Variants in MOB3B observed in about 807,000 individuals in gnomAD.
The protein encoded by MOB3B is MOB kinase activator 3B.
Under a neutral mutation model 18.7 loss-of-function variants are expected in MOB3B, and 7 were observed. The observed-to-expected ratio is 0.37, with a 90% confidence interval of 0.21 to 0.70. The LOEUF (loss-of-function observed/expected upper bound fraction) is 0.70, where lower values mean the gene tolerates loss of function less well. Ranked by LOEUF, MOB3B falls within the 30% of genes least tolerant of loss-of-function variation. The probability of loss-of-function intolerance (pLI) is 0.52; values close to 1 mark genes in which losing one functional copy is unlikely to be tolerated. For missense variants in MOB3B, 253 were observed against 281.3 expected, an observed-to-expected ratio of 0.90 and a Z score of 0.72; for synonymous variants, 111 against 99.9, an observed-to-expected ratio of 1.11 and a Z score of -0.66.
At chr9:27,491,802 G>A (rs994604517) in intron 1 of MOB3B, among the ~76,000 whole-genome samples, 1 of 152,188 alleles carries the variant, frequency 6.6e-6, no homozygotes, top group Non-Finnish European at 1.5e-5. Context: ...GAACCAGGAA[G>A]GCGGAGCTTG....
At chr9:27,351,249 G>T (rs146379378) in intron 3 of MOB3B, among the ~76,000 whole-genome samples, 28 of 152,306 alleles carry the variant, frequency 1.8e-4, no homozygotes, top group African/African-American at 6.7e-4. Context: ...AAAGAGAAAC[G>T]GTTGTCTTGG....
Position 27,455,655 on chromosome 9 carries a change from G to C in MOB3B, c.-105C>G. 1 of 1,564,736 alleles carries C rather than the reference G, an allele frequency of 6.4e-7. No individual in the cohort carries two copies. Among genetic ancestry groups the C allele is most frequent in the Non-Finnish European group, 8.6e-7 (1 of 1,163,928 alleles). On this transcript the variant is annotated 5_prime_UTR_variant, in exon 2 of 4. Coordinates refer to ENST00000262244, the MANE Select transcript of MOB3B (RefSeq NM_024761.5). ...AGTGTTTTCCACTGCCAGCACTCAG[G>C]CCCCAGTCTTACAGCCTGTAGCTTT... is the stretch of plus-strand genomic sequence containing the variant.
At chr9:27,468,753 C>T (rs182410270) in intron 1 of MOB3B, among the ~76,000 whole-genome samples, 294 of 152,246 alleles carry the variant, frequency 1.9e-3, no homozygotes, top group African/African-American at 6.8e-3. Flanking sequence ...AATCAAATAC[C>T]GCACAGATAA....
At chr9:27,460,330 C>T (rs914088326) in intron 1 of MOB3B, among the ~76,000 whole-genome samples, 1 of 152,132 alleles carries the variant, frequency 6.6e-6, no homozygotes, top group East Asian at 1.9e-4. Context: ...ATATTTTCTG[C>T]CTAATAGATC....
At position 27,335,301 on chromosome 9, in the gene MOB3B, A is replaced by G. The variant is rs189144460; in HGVS notation, c.622-4685T>C. ...GGAAACATGGGTGTCACCTACTCCA[A>G]CACTTTAATTTCGGAGATGTGGCAA... On this transcript the variant is annotated intron_variant, in intron 3 of 3. Coordinates refer to ENST00000262244, the MANE Select transcript of MOB3B (RefSeq NM_024761.5). Among the ~76,000 whole-genome samples, 5 of 152,332 alleles carry G rather than the reference A, an allele frequency of 3.3e-5. No homozygotes were observed. The East Asian group carries it at 9.6e-4, about 29-fold the overall frequency.
intron 1 of MOB3B, among the ~76,000 whole-genome samples, chr9:27,466,256 C>A (rs1377438115): frequency 6.6e-6 from 1 of 152,182 alleles, no homozygotes; most frequent in Non-Finnish European, 1.5e-5. Context: ...TCTAGGGCCA[C>A]CAGTCTCTTT....
At chr9:27,333,437 C>A (rs1047778698) in intron 3 of MOB3B, among the ~76,000 whole-genome samples, 2 of 152,148 alleles carry the variant, frequency 1.3e-5, no homozygotes, top group African/African-American at 4.8e-5. Flanking sequence ...CGCAGGCTAG[C>A]AGGGCCAAAC....
intron 3 of MOB3B, among the ~76,000 whole-genome samples, chr9:27,353,982 C>A (rs1327000066): frequency 6.6e-6 from 1 of 152,234 alleles, no homozygotes; most frequent in Non-Finnish European, 1.5e-5. Context: ...TTATCTTCAG[C>A]TGTTGCATTT....
intron 2 of MOB3B, among the ~76,000 whole-genome samples, chr9:27,426,107 A>C (rs1273382415): frequency 1.3e-5 from 2 of 152,192 alleles, no homozygotes; most frequent in Admixed American, 6.5e-5. Context: ...AAATCTTAGG[A>C]GGTAAGTGCT....
In MOB3B at chr9:27,360,926, A is replaced by G. The variant is rs113818265; in HGVS notation, c.419-1690T>C. On this transcript the variant is annotated intron_variant, in intron 2 of 3. Transcript: ENST00000262244. ...TGAGGGTGCGGTAGAGCCAAGGAGAAGGTGGAGGGCAGCCACATGCAGAGT... is the reference window on the plus strand; with the variant it reads ...TGAGGGTGCGGTAGAGCCAAGGAGAGGGTGGAGGGCAGCCACATGCAGAGT... 1.6e-3 allele frequency among the ~76,000 whole-genome samples: 240 copies of G among 152,224 alleles called. 2 individuals are homozygous for G. Among genetic ancestry groups the G allele is most frequent in the African/African-American group, 5.1e-3 (211 of 41,534 alleles).
chr9:27,392,401 T>C (rs1360193073), intron 2 of MOB3B, among the ~76,000 whole-genome samples: 1 of 152,202 alleles, frequency 6.6e-6, no homozygotes, highest in Non-Finnish European at 1.5e-5. Flanking sequence ...TGGTATACCG[T>C]AGTAGGACTA....
intron 3 of MOB3B, among the ~76,000 whole-genome samples, chr9:27,340,985 C>A (rs150780445): frequency 4.8e-4 from 73 of 152,344 alleles, no homozygotes; most frequent in Non-Finnish European, 8.2e-4. Flanking sequence ...CACCCACCCG[C>A]TTTGAGGAAT....
At position 27,455,489 on chromosome 9, in the gene MOB3B, A is replaced by G. The variant is rs1376217122; in HGVS notation, c.62T>C (p.Phe21Ser). The G allele has an allele frequency of 3.7e-6, 6 of 1,614,196 alleles. No homozygotes were observed. The highest frequency in any genetic ancestry group is 2.2e-5 in the South Asian group (2 of 91,078). The part of the protein sequence containing the change: ...KDKTFRPKRK[F>S]EPGTQRFELH... Reference sequence around the variant, plus strand: ...CTCAAACCTCTGTGTGCCAGGTTCAAATTTCCTCTTGGGTCGGAAGGTCTT... The same window carrying G: ...CTCAAACCTCTGTGTGCCAGGTTCAGATTTCCTCTTGGGTCGGAAGGTCTT... The change falls in exon 2 of 4, where the codon TTT becomes TCT. Residue 21 changes from phenylalanine to serine, a missense_variant. Physicochemically the swap from Phe to Ser is radical, Grantham distance 155. Transcript: ENST00000262244.
intron 2 of MOB3B, among the ~76,000 whole-genome samples, chr9:27,381,973 A>T (rs1009539487): frequency 5.9e-5 from 9 of 152,188 alleles, no homozygotes; most frequent in South Asian, 2.1e-4. Flanking sequence ...AGGGGTGGAC[A>T]TTAACCTGAT....
At chr9:27,430,221 A>G (rs1456851892) in intron 2 of MOB3B, among the ~76,000 whole-genome samples, 1 of 152,208 alleles carries the variant, frequency 6.6e-6, no homozygotes, top group African/African-American at 2.4e-5. Context: ...TGAGGCCACA[A>G]GGGATTGGCA....
At chr9:27,396,570 T>A (rs1352306436) in intron 2 of MOB3B, among the ~76,000 whole-genome samples, 1 of 152,238 alleles carries the variant, frequency 6.6e-6, no homozygotes, top group African/African-American at 2.4e-5. Context: ...TCATATTTCC[T>A]TACTACTTTA....
intron 2 of MOB3B, among the ~76,000 whole-genome samples, chr9:27,434,213 C>T (rs1822459042): frequency 6.6e-6 from 1 of 152,196 alleles, no homozygotes; most frequent in Non-Finnish European, 1.5e-5. Flanking sequence ...TCTGGGCTGT[C>T]TGCTGACCCT....
At chr9:27,515,667 A>G (rs576218832) in intron 1 of MOB3B, among the ~76,000 whole-genome samples, 2 of 152,358 alleles carry the variant, frequency 1.3e-5, no homozygotes, top group South Asian at 2.1e-4. Context: ...GAGCACTAAC[A>G]CTATCTACTC....
chr9:27,406,861 T>C (rs1283313585), intron 2 of MOB3B, among the ~76,000 whole-genome samples: 1 of 151,836 alleles, frequency 6.6e-6, no homozygotes, highest in Admixed American at 6.6e-5. Context: ...TTTTTTTAGA[T>C]GGATTTTGCT....
Sources: gnomAD v4.1 joint callset for allele counts (sites outside exome capture counted in the v4.1 genomes callset) on GRCh38, gnomAD v4.1.1 for gene constraint, MANE v1.5 for transcripts, NCBI Gene and HGNC (gene_info 2026-07-23, HGNC 2026-07-21) for gene names.